MBNL2: variants seen among roughly 807,000 people sequenced by gnomAD.
MBNL2 encodes the protein muscleblind like splicing regulator 2.
In MBNL2, 17 loss-of-function variants were observed where a neutral mutation model predicts 41.9. The observed-to-expected ratio is 0.41, with a 90% CI of 0.28 to 0.61. The LOEUF (loss-of-function observed/expected upper bound fraction) is 0.61. MBNL2 is among the 20% of genes least tolerant of loss of function. MBNL2 has a pLI of 0.35. For synonymous variants in MBNL2, 195 were observed against 182.9 expected (o/e 1.07, Z -0.53); for missense variants, 336 against 505.6 (o/e 0.66, Z 3.22).
At chr13:97,222,560 G>A (rs900396015) in intron 1 of MBNL2, 29 bp downstream of exon 1, 10 of 397,776 alleles carry the variant, frequency 2.5e-5, no homozygotes, top group Non-Finnish European at 2.7e-5. Context: ...TTTTTTGAAT[G>A]TTTAAAGAGT....
chr13:97,160,011 C>T, the MBNL2 span, among the ~76,000 whole-genome samples: 4 of 152,096 alleles, frequency 2.6e-5, no homozygotes, highest in South Asian at 2.1e-4. Flanking sequence ...TCGTTCCATT[C>T]TCCCCATCAC....
At chr13:97,213,238 CAGAAG>C in the MBNL2 span, among the ~76,000 whole-genome samples, 1 of 151,972 alleles carries the variant, frequency 6.6e-6, no homozygotes, top group Admixed American at 6.5e-5. Flanking sequence ...TGGTTGTTGA[CAGAAG>C]AGAGTGAGGG....
At chr13:97,254,064 A>G (rs1229146196) in intron 1 of MBNL2, among the ~76,000 whole-genome samples, 1 of 152,022 alleles carries the variant, frequency 6.6e-6, no homozygotes, top group Non-Finnish European at 1.5e-5. Flanking sequence ...TAATTTTTGT[A>G]TATTTAGTAG....
rs144871799 is a variant in MBNL2, at chr13:97,305,811, A to G, written c.175-28465A>G. Among the ~76,000 whole-genome samples the G allele has an allele frequency of 5.1e-3, 781 of 152,214 alleles. 12 individuals are homozygous for G. Among genetic ancestry groups the G allele is most frequent in the Non-Finnish European group, 4.8e-3 (326 of 68,022 alleles). ...AAACCAAAAATCCCAGGATTTTTAT[A>G]TTTTTTGTCAGAGTCTCATGATGAG... On this transcript the variant is annotated intron_variant, in intron 2 of 8. Coordinates refer to ENST00000679496, the MANE Select transcript of MBNL2 (RefSeq NM_001382683.1).
the MBNL2 span, among the ~76,000 whole-genome samples, chr13:97,212,081 A>G: frequency 6.6e-6 from 1 of 152,184 alleles, no homozygotes; most frequent in African/African-American, 2.4e-5. Context: ...AAAGACAGGC[A>G]GAAGCCACCG....
the MBNL2 span, among the ~76,000 whole-genome samples, chr13:97,156,399 A>G: frequency 6.8e-6 from 1 of 146,568 alleles, no homozygotes; most frequent in Non-Finnish European, 1.5e-5. Context: ...CTTTAGTTTA[A>G]TTAGATCCCA....
chr13:97,157,563 T>C, the MBNL2 span, among the ~76,000 whole-genome samples: 2 of 142,304 alleles, frequency 1.4e-5, no homozygotes, highest in African/African-American at 2.7e-5. Flanking sequence ...TTTTGAAATA[T>C]GTCCCATCAA....
chr13:97,168,466 C>T, the MBNL2 span, among the ~76,000 whole-genome samples: 2 of 152,122 alleles, frequency 1.3e-5, no homozygotes, highest in African/African-American at 4.8e-5. Context: ...CACTCCCCAT[C>T]CTTATCTCTC....
intron 3 of MBNL2, among the ~76,000 whole-genome samples, chr13:97,336,849 A>G (rs1312195543): frequency 6.6e-6 from 1 of 152,244 alleles, no homozygotes; most frequent in Admixed American, 6.5e-5. Context: ...GTCAATTGAT[A>G]AAGAGAGTCA....
At chr13:97,320,781 G>C (rs1197307309) in intron 2 of MBNL2, among the ~76,000 whole-genome samples, 1 of 152,162 alleles carries the variant, frequency 6.6e-6, no homozygotes, top group East Asian at 2.0e-4. Flanking sequence ...CGGGCATGGT[G>C]GTGGGTGCCT....
At chr13:97,187,422 TG>T in the MBNL2 span, among the ~76,000 whole-genome samples, 2 of 149,426 alleles carry the variant, frequency 1.3e-5, no homozygotes, top group Admixed American at 6.7e-5. Context: ...ATGGGGAAAA[TG>T]AAAGAGAAGC....
chr13:97,360,891 G>A (rs1399324630), intron 7 of MBNL2, among the ~76,000 whole-genome samples: 8 of 152,188 alleles, frequency 5.3e-5, no homozygotes, highest in Non-Finnish European at 1.0e-4. Context: ...AGGGGACAGT[G>A]CCCAGATACA....
At chr13:97,356,990 C>T (rs976646240) in intron 6 of MBNL2, 141 bp downstream of exon 6, 25 of 338,134 alleles carry the variant, frequency 7.4e-5, no homozygotes, top group Non-Finnish European at 1.2e-4. Context: ...TTAGCCATCT[C>T]ATTCTCATAT....
chr13:97,358,984 G>T (rs894553119), intron 7 of MBNL2, among the ~76,000 whole-genome samples: 2 of 152,128 alleles, frequency 1.3e-5, no homozygotes, highest in African/African-American at 4.8e-5. Context: ...TGTGAGCAAA[G>T]TGGTTTTCAG....
At chr13:97,213,709 C>T in the MBNL2 span, among the ~76,000 whole-genome samples, 16 of 152,032 alleles carry the variant, frequency 1.1e-4, no homozygotes, top group Non-Finnish European at 1.6e-4. Flanking sequence ...TAGCAAGTCA[C>T]GTGATAAACC....
At chr13:97,382,774 C>T (rs969730740) in intron 8 of MBNL2, among the ~76,000 whole-genome samples, 1 of 151,848 alleles carries the variant, frequency 6.6e-6, no homozygotes, top group East Asian at 1.9e-4. Context: ...CTCCGCCTCC[C>T]GGGTTCAAGT....
At chr13:97,343,611 G>A (rs1439673207) in intron 4 of MBNL2, among the ~76,000 whole-genome samples, 1 of 152,188 alleles carries the variant, frequency 6.6e-6, no homozygotes. Context: ...CAGGAGCCCA[G>A]CAACCAGGGC....
chr13:97,184,380 TG>T, the MBNL2 span, among the ~76,000 whole-genome samples: 1 of 152,224 alleles, frequency 6.6e-6, no homozygotes, highest in Admixed American at 6.5e-5. Flanking sequence ...TACTGCTCCC[TG>T]GGTTCCATGA....
Position 97,334,482 on chromosome 13 carries a change from T to A in MBNL2, c.339+42T>A. 6.7e-7 allele frequency: 1 copy of A among 1,495,124 alleles called. No homozygotes were observed. Among genetic ancestry groups the A allele is most frequent in the Non-Finnish European group, 9.1e-7 (1 of 1,097,270 alleles). 92.6% of individuals were successfully genotyped at this position (1,495,124 alleles called of 1,614,324 possible). On this transcript the variant is annotated intron_variant, in intron 3 of 8. Coordinates refer to ENST00000679496, the MANE Select transcript of MBNL2 (RefSeq NM_001382683.1). The surrounding 1 kb of genome is among the most constrained non-coding windows in gnomAD (Gnocchi z 5.3). ...TCAGTGATGAGTTGGATGGTTACAGTGTTGGTATGGATGATGCCACGTTGA... is the reference window on the plus strand; with the variant it reads ...TCAGTGATGAGTTGGATGGTTACAGAGTTGGTATGGATGATGCCACGTTGA...
Sources: gnomAD v4.1 joint callset for allele counts (sites outside exome capture counted in the v4.1 genomes callset) on GRCh38, gnomAD v4.1.1 for gene constraint, Gnocchi (gnomAD v3.1) non-coding constraint, MANE v1.5 for transcripts, NCBI Gene and HGNC (gene_info 2026-07-23, HGNC 2026-07-21) for gene names.